ACYP2: variants seen among roughly 807,000 people sequenced by gnomAD.
The protein encoded by ACYP2 is acylphosphatase 2, also known as acylphosphatase-2.
In ACYP2, 12 loss-of-function variants were observed where a neutral mutation model predicts 11.2. The ratio of observed to expected loss-of-function variants is 1.08; its 90% confidence interval spans 0.69 to 1.74. ACYP2 has a LOEUF of 1.74. Ranked by LOEUF, ACYP2 falls within the 40% of genes most tolerant of loss-of-function variation. ACYP2 has a pLI of 0.00. For missense variants in ACYP2, 134 were observed against 101.9 expected, an observed-to-expected ratio of 1.31 and a Z score of -1.35; for synonymous variants, 43 against 32.2, an observed-to-expected ratio of 1.33 and a Z score of -1.13.
At chr2:54,218,057 C>A (rs539070654) in intron 6 of ACYP2, among the ~76,000 whole-genome samples, 1 of 152,322 alleles carries the variant, frequency 6.6e-6, no homozygotes, top group Non-Finnish European at 1.5e-5. Flanking sequence ...CTCCCTCATT[C>A]TACCCCCATT....
At chr2:54,267,190 G>GA in intron 6 of ACYP2, 1 of 1,198,246 alleles carries the variant, frequency 8.3e-7, no homozygotes, top group East Asian at 2.6e-5. Context: ...TTTTCATCAA[G>GA]AAAATGTTTT....
intron 2 of ACYP2, among the ~76,000 whole-genome samples, chr2:53,995,338 CAT>C (rs1201251635): frequency 3.9e-5 from 6 of 152,108 alleles, no homozygotes; most frequent in African/African-American, 1.4e-4. Context: ...ATAAAACATC[CAT>C]ATCTACAGTG....
chr2:54,279,949 A>C (rs1416800627), intron 6 of ACYP2, among the ~76,000 whole-genome samples: 1 of 152,190 alleles, frequency 6.6e-6, no homozygotes, highest in East Asian at 1.9e-4. Flanking sequence ...TTGCTATCTT[A>C]TCTTCTTCCA....
intron 6 of ACYP2, chr2:54,141,960 C>T: frequency 1.8e-6 from 1 of 559,566 alleles, no homozygotes. Flanking sequence ...ACGTCAACCT[C>T]CTGAGTGCAC....
At chr2:53,975,788 C>G (rs533765085) in intron 2 of ACYP2, among the ~76,000 whole-genome samples, 2 of 152,002 alleles carry the variant, frequency 1.3e-5, no homozygotes, top group Non-Finnish European at 2.9e-5. Flanking sequence ...GCCAAGATCG[C>G]GCCACTGCAC....
In ACYP2 at chr2:54,192,603, T is replaced by C. The variant is rs1684282226; in HGVS notation, c.404+53855T>C. On this transcript the variant is annotated intron_variant, in intron 6 of 6. Transcript: ENST00000607452. ...TTGATGCCACTTTGTTCATTATATCTTACCTGTTATATTTAAAAAAAGAGG... is the reference window on the plus strand; with the variant it reads ...TTGATGCCACTTTGTTCATTATATCCTACCTGTTATATTTAAAAAAAGAGG... 2.0e-5 allele frequency among the ~76,000 whole-genome samples: 3 copies of C among 152,192 alleles called. No individual in the cohort carries two copies. The South Asian group carries it at 6.2e-4, about 31-fold the overall frequency.
intron 4 of ACYP2, among the ~76,000 whole-genome samples, chr2:54,076,169 G>A (rs898738383): frequency 5.3e-5 from 8 of 152,194 alleles, no homozygotes. Flanking sequence ...GGGAGCTTAT[G>A]TAAGTGTAAA....
chr2:54,017,077 G>C, intron 2 of ACYP2, among the ~76,000 whole-genome samples: 1 of 151,956 alleles, frequency 6.6e-6, no homozygotes, highest in Non-Finnish European at 1.5e-5. Context: ...CAGAAGGGTT[G>C]AAAAGGGCAA....
intron 2 of ACYP2, among the ~76,000 whole-genome samples, chr2:54,035,130 C>G (rs1674819002): frequency 6.6e-6 from 1 of 151,554 alleles, no homozygotes; most frequent in South Asian, 2.1e-4. Context: ...TTCTCTAGGC[C>G]CCAGTTTCTT....
rs572676074 is a variant in ACYP2, at chr2:54,070,552, T to C, written c.277+13192T>C. ...ACTTACTTAGCTCTTTTATGAATCC[T>C]CAACCCCAGAGTTATTTAACACATA... On this transcript the variant is annotated intron_variant, in intron 4 of 6. Transcript: ENST00000607452. 3.9e-5 allele frequency among the ~76,000 whole-genome samples: 6 copies of C among 152,308 alleles called. No individual in the cohort carries two copies. The South Asian group carries it at 1.2e-3, about 32-fold the overall frequency.
At chr2:54,257,086 C>A (rs1475318824) in intron 6 of ACYP2, among the ~76,000 whole-genome samples, 1 of 152,114 alleles carries the variant, frequency 6.6e-6, no homozygotes, top group Non-Finnish European at 1.5e-5. Context: ...AGAAATCTTA[C>A]CTCTCACCTG....
intron 6 of ACYP2, among the ~76,000 whole-genome samples, chr2:54,303,704 T>C (rs1037032599): frequency 3.2e-4 from 49 of 152,222 alleles, no homozygotes; most frequent in Admixed American, 8.5e-4. Context: ...AAATCTAAAG[T>C]TATATAAGAT....
intron 2 of ACYP2, among the ~76,000 whole-genome samples, chr2:53,975,699 G>C (rs980178931): frequency 6.6e-6 from 1 of 152,102 alleles, no homozygotes; most frequent in Admixed American, 6.5e-5. Flanking sequence ...GGGTGTGGTG[G>C]CATGCACCTG....
At position 54,143,925 on chromosome 2, in the gene ACYP2, C is replaced by G. The variant is rs560533641; in HGVS notation, c.404+5177C>G. On this transcript the variant is annotated intron_variant, in intron 6 of 6. Transcript: ENST00000607452. ...GGAAATCACCTGGTCCTGCTGCCTT[C>G]TCAATGTTGACCTTTAACCACCTTT... 3.9e-5 allele frequency among the ~76,000 whole-genome samples: 6 copies of G among 152,214 alleles called. No individual in the cohort carries two copies. In the South Asian group the frequency reaches 8.3e-4, roughly 21 times the overall value.
At chr2:54,255,558 C>T in intron 6 of ACYP2, 1 of 1,610,512 alleles carries the variant, frequency 6.2e-7, no homozygotes, top group Non-Finnish European at 8.5e-7. Context: ...GGTGGAGACC[C>T]ACGTTCAGGG....
rs528966463 is a variant in ACYP2 at position 54,100,948 on chromosome 2, A to G, written c.278-34505A>G. Among the ~76,000 whole-genome samples, 3 of 152,342 alleles carry G rather than the reference A, an allele frequency of 2.0e-5. No individual in the cohort carries two copies. The East Asian group carries it at 5.8e-4, about 29-fold the overall frequency. The stretch of plus-strand genomic sequence containing the variant: ...GGAGACTCTTGAAGGTTTTTAAGCA[A>G]TTCAAGGTACTTGGGCTAAGCCTTC... On this transcript the variant is annotated intron_variant, in intron 4 of 6. Coordinates refer to ENST00000607452, the MANE Select transcript of ACYP2 (RefSeq NM_001320586.2).
At chr2:54,058,385 T>C (rs1293205278) in intron 4 of ACYP2, among the ~76,000 whole-genome samples, 1 of 152,012 alleles carries the variant, frequency 6.6e-6, no homozygotes, top group East Asian at 1.9e-4. Flanking sequence ...CAGTAGTTTT[T>C]CCTGATATAA....
At chr2:54,107,561 A>G (rs1390559807) in intron 4 of ACYP2, among the ~76,000 whole-genome samples, 1 of 152,208 alleles carries the variant, frequency 6.6e-6, no homozygotes, top group Non-Finnish European at 1.5e-5. Context: ...GTTACTGAAA[A>G]AATAATCCAT....
intron 6 of ACYP2, among the ~76,000 whole-genome samples, chr2:54,293,714 G>A (rs1433007125): frequency 6.6e-6 from 1 of 152,162 alleles, no homozygotes; most frequent in African/African-American, 2.4e-5. Context: ...AGCTCAGTGG[G>A]GTGAGTAGCA....
Sources: gnomAD v4.1 joint callset for allele counts (sites outside exome capture counted in the v4.1 genomes callset) on GRCh38, gnomAD v4.1.1 for gene constraint, MANE v1.5 for transcripts, NCBI Gene and HGNC (gene_info 2026-07-23, HGNC 2026-07-21) for gene names.